Variants in GRIN2D observed in about 807,000 individuals in gnomAD.
GRIN2D encodes glutamate receptor ionotropic, NMDA 2D.
A neutral mutation model predicts 103.2 loss-of-function variants in GRIN2D; 37 were observed. The ratio of observed to expected loss-of-function variants is 0.36; its 90% CI spans 0.28 to 0.47. The LOEUF (loss-of-function observed/expected upper bound fraction) is 0.47. GRIN2D is among the 20% of genes least tolerant of loss of function. The pLI, the probability that GRIN2D is intolerant of heterozygous loss-of-function variation, is 1.00. For synonymous variants in GRIN2D, 845 were observed against 885.6 expected, an observed-to-expected ratio of 0.95 and a Z score of 0.81; for missense variants, 1,557 against 1,910.6, an observed-to-expected ratio of 0.81 and a Z score of 3.45.
rs753504602 is a variant in GRIN2D, at chr19:48,414,402, C to T, written c.1230C>T (p.Arg410=). 5.0e-6 allele frequency: 8 copies of T among 1,609,312 alleles called. No individual in the cohort carries two copies. The highest frequency in any genetic ancestry group is 5.9e-6 in the Non-Finnish European group (7 of 1,178,334). Residue 410 remains arginine, a synonymous_variant, in exon 6 of 14, where the codon CGC becomes CGT. Coordinates refer to ENST00000263269, the MANE Select transcript of GRIN2D (RefSeq NM_000836.4). This position sits in a 1 kb window ranked among gnomAD's most constrained non-coding sequence, Gnocchi z 4.6. ...VVGSWEQQTL[R]LKYPLWSRYG... ...GCAGCTGGGAGCAGCAGACGCTCCG[C>T]CTCAAGTACCCGCTGTGGTCCCGCT... is the stretch of plus-strand genomic sequence containing the variant.
chr19:48,412,433 GAAA>G, intron 4 of GRIN2D, among the ~76,000 whole-genome samples: 1 of 124,826 alleles, frequency 8.0e-6, no homozygotes, highest in South Asian at 2.4e-4. Flanking sequence ...AAGAAAGAAA[GAAA>G]GAAAGAAAGA....
At chr19:48,402,809 G>C (rs1437840920) in intron 3 of GRIN2D, among the ~76,000 whole-genome samples, 2 of 124,292 alleles carry the variant, frequency 1.6e-5, no homozygotes, top group African/African-American at 3.4e-5. Context: ...AGAGAGAATA[G>C]GGAACAGTCT....
rs531748590 is a variant in GRIN2D at position 48,418,110 on chromosome 19, T to G, written c.1736-1124T>G. ...GTGCAGTGGCACGATCTCAGCTCAC[T>G]GCAACCTCCACCTCCTGGGTTCAAG... On this transcript the variant is annotated intron_variant, in intron 8 of 13. Transcript: ENST00000263269. Among the ~76,000 whole-genome samples, 6 of 149,248 alleles carry G rather than the reference T, an allele frequency of 4.0e-5. No individual in the cohort carries two copies. In the East Asian group the frequency reaches 1.0e-3, roughly 25 times the overall value.
chr19:48,400,741 GA>G (rs1970701915), intron 3 of GRIN2D, among the ~76,000 whole-genome samples: 1 of 152,152 alleles, frequency 6.6e-6, no homozygotes, highest in East Asian at 1.9e-4. Context: ...TCCACCTGCT[GA>G]AGGAAGAGGT....
chr19:48,413,938 T>G, intron 4 of GRIN2D, 53 bp from the exon 5 acceptor site: 5 of 1,015,874 alleles, frequency 4.9e-6, no homozygotes, highest in Non-Finnish European at 7.9e-6. Flanking sequence ...TGCCTTCCGC[T>G]GCCAAGGTCC....
In GRIN2D at chr19:48,398,431, C is replaced by A. The variant is rs1970668743; in HGVS notation, c.39C>A (p.Pro13=). The A allele has an allele frequency of 8.9e-7, 1 of 1,118,326 alleles. No individual in the cohort carries two copies. The allele number at this position is 1,118,326 out of a possible 1,614,324, so 69.3% of individuals were successfully genotyped here. A position where few individuals can be genotyped will look rare whatever the true frequency, so the allele number is the denominator to read the frequency against. ...GTGGCCCCCGCGGCCCTCGGGGCCC[C>A]GCTAAGATGCTGCTGCTGCTGGCGC... ...GAGGPRGPRG[P]AKMLLLLALA... is the part of the protein sequence containing the mutation. Residue 13 remains proline (P), a synonymous_variant, in exon 3 of 14, where the codon CCC becomes CCA. Transcript: ENST00000263269.
chr19:48,414,221 C>T lies in GRIN2D; in HGVS notation c.1200+116C>T. On this transcript the variant is annotated intron_variant, in intron 5 of 13. Transcript: ENST00000263269. The surrounding 1 kb of genome is among the most constrained non-coding windows in gnomAD (Gnocchi z 4.6). Reference sequence around the variant, plus strand: ...GAGGAGGGGACAAGGAGCCTGGACTCCTGGGTCCTGGGATCTGAAGGTGGG... The same window carrying T: ...GAGGAGGGGACAAGGAGCCTGGACTTCTGGGTCCTGGGATCTGAAGGTGGG... The T allele has an allele frequency of 1.1e-6, 1 of 880,504 alleles. No individual in the cohort carries two copies. Among genetic ancestry groups the T allele is most frequent in the Non-Finnish European group, 1.8e-6 (1 of 549,398 alleles). The allele number at this position is 880,504 out of a possible 1,614,324, so 54.5% of individuals were successfully genotyped here. A position where few individuals can be genotyped will look rare whatever the true frequency, so the allele number is the denominator to read the frequency against.
At chr19:48,425,428 CAT>C (rs751255219) in intron 11 of GRIN2D, among the ~76,000 whole-genome samples, 2 of 152,138 alleles carry the variant, frequency 1.3e-5, no homozygotes, top group Non-Finnish European at 2.9e-5. Flanking sequence ...TTTTAGTAGA[CAT>C]GTGATTTCAC....
intron 11 of GRIN2D, among the ~76,000 whole-genome samples, chr19:48,423,271 A>G (rs1328017934): frequency 6.6e-6 from 1 of 152,166 alleles, no homozygotes. Context: ...CACGAATACA[A>G]CAAGGCTGAG....
At chr19:48,440,339 T>C (rs1164414795) in intron 11 of GRIN2D, among the ~76,000 whole-genome samples, 1 of 152,180 alleles carries the variant, frequency 6.6e-6, no homozygotes. Flanking sequence ...ACACCTGTAG[T>C]CCCAGTACTT....
chr19:48,435,087 TACCATAG>T (rs1468273257), intron 11 of GRIN2D, among the ~76,000 whole-genome samples: 1 of 152,098 alleles, frequency 6.6e-6, no homozygotes, highest in Non-Finnish European at 1.5e-5. Flanking sequence ...CATAACAAAA[TACCATAG>T]ACTGAGTGGC....
At position 48,402,765 on chromosome 19, in the gene GRIN2D, C is replaced by CGAGAGAGAGAGAGAGA. The variant is rs35263933; in HGVS notation, c.466-1944_466-1929dup. ...AAAAAAAAGATTCTTTACTCCTTTACGAGAGAGAGAGAGAGAGAGAGAGAG... is the reference window on the plus strand; with the variant it reads ...AAAAAAAAGATTCTTTACTCCTTTACGAGAGAGAGAGAGAGAGAGAGAGAGAGAGAGAGAGAGAGAG... On this transcript the variant is annotated intron_variant, in intron 3 of 13. Coordinates refer to ENST00000263269, the MANE Select transcript of GRIN2D (RefSeq NM_000836.4). Among the ~76,000 whole-genome samples, 328 of 108,990 alleles carry CGAGAGAGAGAGAGAGA rather than the reference C, an allele frequency of 3.0e-3. 6 individuals are homozygous for CGAGAGAGAGAGAGAGA. The highest frequency in any genetic ancestry group is 0.01 in the African/African-American group (279 of 27,328). 71.5% of individuals were successfully genotyped at this position (108,990 alleles called of 152,430 possible).
rs373061448 is a variant in GRIN2D at position 48,414,972 on chromosome 19, G to A, written c.1521G>A (p.Leu507=). The change falls in exon 7 of 14, where the codon CTG becomes CTA. Residue 507 remains leucine, a synonymous_variant. Transcript: ENST00000263269. The surrounding 1 kb of genome is among the most constrained non-coding windows in gnomAD (Gnocchi z 4.6). ...TCGGCTTCAGCTACGACCTCTACCT[G>A]GTCACCAATGGCAAGCACGGAAAGA... ...HTIGFSYDLY[L]VTNGKHGKKI... is the part of the protein sequence containing the mutation. 4 of 1,612,786 alleles carry A rather than the reference G, an allele frequency of 2.5e-6. No individual in the cohort carries two copies. The highest frequency in any genetic ancestry group is 1.6e-4 in the Middle Eastern group (1 of 6,076).
Position 48,404,241 on chromosome 19 carries a change from A to C in GRIN2D, c.466-493A>C, listed in dbSNP as rs1418619929. Among the ~76,000 whole-genome samples the C allele has an allele frequency of 6.9e-5, 4 of 58,298 alleles. No individual in the cohort carries two copies. The South Asian group carries it at 1.7e-3, about 25-fold the overall frequency. 38.2% of individuals were successfully genotyped at this position (58,298 alleles called of 152,430 possible). ...GGCAACAAGAGTGAAATTCCATCTC[A>C]AAAAAAAAAAAAAAAAATCCAAACA... On this transcript the variant is annotated intron_variant, in intron 3 of 13. Coordinates refer to ENST00000263269, the MANE Select transcript of GRIN2D (RefSeq NM_000836.4).
chr19:48,404,476 G>C (rs574100644), intron 3 of GRIN2D, among the ~76,000 whole-genome samples: 9 of 152,094 alleles, frequency 5.9e-5, no homozygotes, highest in Non-Finnish European at 1.2e-4. Context: ...CTGGGCGACA[G>C]AGCAAGATTC....
chr19:48,395,756 T>C (rs1970632156), intron 2 of GRIN2D, among the ~76,000 whole-genome samples: 1 of 151,718 alleles, frequency 6.6e-6, no homozygotes, highest in African/African-American at 2.4e-5. Flanking sequence ...ACCCAGGATG[T>C]TGGGAAGGAT....
intron 3 of GRIN2D, among the ~76,000 whole-genome samples, chr19:48,402,403 G>T (rs1418746800): frequency 6.6e-6 from 1 of 152,048 alleles, no homozygotes; most frequent in Non-Finnish European, 1.5e-5. Flanking sequence ...AAAAAAGGCA[G>T]CTGCTCTTTA....
chr19:48,426,115 ATTCT>A (rs1331667917), intron 11 of GRIN2D, among the ~76,000 whole-genome samples: 1 of 151,904 alleles, frequency 6.6e-6, no homozygotes, highest in Non-Finnish European at 1.5e-5. Flanking sequence ...ATATACCATA[ATTCT>A]TTCATTCTAC....
At chr19:48,404,543 G>A (rs1970758629) in intron 3 of GRIN2D, among the ~76,000 whole-genome samples, 191 bp from the exon 4 acceptor site, 2 of 152,184 alleles carry the variant, frequency 1.3e-5, no homozygotes, top group African/African-American at 4.8e-5. Flanking sequence ...TTTTATGGAT[G>A]AGTCTAGAAT....
Sources: allele counts gnomAD v4.1 joint callset (sites outside exome capture counted in the v4.1 genomes callset), GRCh38; gene constraint gnomAD v4.1.1; non-coding constraint Gnocchi (gnomAD v3.1); transcripts MANE v1.5; gene names NCBI Gene and HGNC (gene_info 2026-07-23, HGNC 2026-07-21).